NHSL1: variants seen among roughly 807,000 people sequenced by gnomAD.
NHSL1 encodes NHS-like protein 1.
NHSL1 carries 48 observed loss-of-function variants against 95.0 expected under a neutral mutation model. That is an observed-to-expected ratio of 0.51 (90% CI 0.40 to 0.64). NHSL1 has a LOEUF of 0.64. NHSL1 is among the 30% of genes least tolerant of loss of function. The pLI, the probability that NHSL1 is intolerant of heterozygous loss-of-function variation, is 0.00. For synonymous variants in NHSL1, 783 were observed against 833.9 expected, an observed-to-expected ratio of 0.94 and a Z score of 1.05; for missense variants, 1,971 against 2,077.7, an observed-to-expected ratio of 0.95 and a Z score of 1.00.
chr6:138,542,786 C>T (rs1782633352), intron 1 of NHSL1, among the ~76,000 whole-genome samples: 2 of 152,072 alleles, frequency 1.3e-5, no homozygotes, highest in South Asian at 4.2e-4. Context: ...TTTTTCGAGA[C>T]AGGGTCTCAC....
At position 138,443,621 on chromosome 6, in the gene NHSL1, G is replaced by A. The variant is rs77676166; in HGVS notation, c.533-1507C>T. ...GTGGGTGGATCACTTGAACTCAGGC[G>A]TTCAAGACCAGTCTAAGCAACATGG... On this transcript the variant is annotated intron_variant, in intron 4 of 7. Transcript: ENST00000343505. 4.1e-3 allele frequency among the ~76,000 whole-genome samples: 629 copies of A among 152,242 alleles called. 5 individuals are homozygous for A. Among genetic ancestry groups the A allele is most frequent in the Non-Finnish European group, 7.7e-3 (521 of 68,010 alleles).
At chr6:138,499,703 CG>C (rs1387920995), upstream of NHSL1, among the ~76,000 whole-genome samples, 1 of 152,142 alleles carries the variant, frequency 6.6e-6, no homozygotes, top group Non-Finnish European at 1.5e-5. Flanking sequence ...CTTTCCTCTA[CG>C]GAAGTCAAGA....
At chr6:138,689,610 C>G (rs981062136) in intron 1 of NHSL1, among the ~76,000 whole-genome samples, 1 of 152,176 alleles carries the variant, frequency 6.6e-6, no homozygotes, top group Non-Finnish European at 1.5e-5. Flanking sequence ...TTATTGGTCA[C>G]TGAAATATGC....
chr6:138,496,007 G>A (rs112966000), intron 2 of NHSL1, among the ~76,000 whole-genome samples: 5,959 of 152,228 alleles, frequency 0.039, 176 homozygotes, highest in Middle Eastern at 0.085. Flanking sequence ...CAACACAGGG[G>A]AATTATGGGA....
At chr6:138,635,822 A>G (rs1300685395) in intron 1 of NHSL1, among the ~76,000 whole-genome samples, 1 of 152,024 alleles carries the variant, frequency 6.6e-6, no homozygotes, top group Non-Finnish European at 1.5e-5. Context: ...GACCTCAACA[A>G]TACATTAGAG....
In NHSL1 at chr6:138,423,483, C is replaced by T. The variant is rs1562247030; in HGVS notation, c.*598G>A. 6.6e-6 allele frequency: 1 copy of T among 152,260 alleles called. No individual in the cohort carries two copies. Among genetic ancestry groups the T allele is most frequent in the Admixed American group, 6.5e-5 (1 of 15,292 alleles). The allele number at this position is 152,260 out of a possible 1,614,324, so 9.4% of individuals were successfully genotyped here. On this transcript the variant is annotated 3_prime_UTR_variant, in exon 8 of 8. Transcript: ENST00000343505. Reference sequence around the variant, plus strand: ...AAAAAGTACCTGAACCAATTAGTCACTTAGCCCCTTCCCAGCCTCTCCGTG... The same window carrying T: ...AAAAAGTACCTGAACCAATTAGTCATTTAGCCCCTTCCCAGCCTCTCCGTG...
At chr6:138,556,758 T>A (rs952265803) in intron 1 of NHSL1, among the ~76,000 whole-genome samples, 1 of 152,082 alleles carries the variant, frequency 6.6e-6, no homozygotes, top group African/African-American at 2.4e-5. Flanking sequence ...TCGTTTAAAG[T>A]ATTTGGCCAA....
chr6:138,527,871 G>C (rs1781976716), intron 1 of NHSL1, among the ~76,000 whole-genome samples: 1 of 152,202 alleles, frequency 6.6e-6, no homozygotes, highest in Admixed American at 6.5e-5. Context: ...TAGTTGAGAT[G>C]AAAGAGCTGG....
At chr6:138,686,186 C>A (rs1404844034) in intron 1 of NHSL1, among the ~76,000 whole-genome samples, 2 of 152,070 alleles carry the variant, frequency 1.3e-5, no homozygotes, top group Non-Finnish European at 2.9e-5. Flanking sequence ...TGAGATAATG[C>A]CTATATGTTA....
At chr6:138,486,012 G>A (rs985213711) in intron 2 of NHSL1, among the ~76,000 whole-genome samples, 4 of 152,198 alleles carry the variant, frequency 2.6e-5, no homozygotes, top group East Asian at 3.9e-4. Flanking sequence ...CTCTGGCTCC[G>A]TCTCATAACA....
intron 3 of NHSL1, among the ~76,000 whole-genome samples, chr6:138,466,015 C>T (rs575676568): frequency 4.0e-4 from 59 of 147,462 alleles, no homozygotes; most frequent in African/African-American, 1.1e-3. Context: ...TGTGCCACTG[C>T]GCCTGGCCCC....
intron 3 of NHSL1, among the ~76,000 whole-genome samples, chr6:138,459,896 G>T (rs1004507562): frequency 6.6e-6 from 1 of 151,906 alleles, no homozygotes. Context: ...CATTGCTATC[G>T]GAATAAACCC....
chr6:138,603,909 C>T (rs948498822), intron 1 of NHSL1, among the ~76,000 whole-genome samples: 1 of 151,886 alleles, frequency 6.6e-6, no homozygotes, highest in Non-Finnish European at 1.5e-5. Flanking sequence ...TAAGTCTTAC[C>T]TGGAACTAAT....
In NHSL1 at chr6:138,432,446, C is replaced by T. The variant is rs1447165769; in HGVS notation, c.1899G>A (p.Arg633=). The T allele has an allele frequency of 7.7e-6, 12 of 1,552,262 alleles. No homozygotes were observed. The highest frequency in any genetic ancestry group is 5.9e-5 in the Admixed American group (3 of 50,998). ...CNSSDGFGNP[R]HSVINVFVGR... ...CAACAAAAACATTGATCACGCTGTG[C>T]CTGGGGTTCCCAAAGCCATCACTGC... is the stretch of plus-strand genomic sequence containing the variant. The change falls in exon 6 of 8, where the codon AGG becomes AGA. Residue 633 remains arginine, a synonymous_variant. Transcript: ENST00000343505. This position sits in a 1 kb window ranked among gnomAD's most constrained non-coding sequence, Gnocchi z 4.4.
At position 138,427,775 on chromosome 6, in the gene NHSL1, A is replaced by C. The variant is rs189819240; in HGVS notation, c.4085+1936T>G. On this transcript the variant is annotated intron_variant, in intron 7 of 7. Coordinates refer to ENST00000343505, the MANE Select transcript of NHSL1 (RefSeq NM_001144060.2). The stretch of plus-strand genomic sequence containing the variant: ...CTGTGTTTCAACTTAGATATTCTTT[A>C]TTTTAAATTATGAGCTTAAGCGCTG... Among the ~76,000 whole-genome samples, 416 of 152,324 alleles carry C rather than the reference A, an allele frequency of 2.7e-3. 5 individuals carry two copies. Among genetic ancestry groups the C allele is most frequent in the Admixed American group, 0.02 (299 of 15,296 alleles).
At position 138,433,594 on chromosome 6, in the gene NHSL1, G is replaced by C. The variant is rs1394465335; in HGVS notation, c.751C>G (p.Arg251Gly). The C allele has an allele frequency of 6.4e-7, 1 of 1,551,964 alleles. No homozygotes were observed. Among genetic ancestry groups the C allele is most frequent in the Non-Finnish European group, 8.7e-7 (1 of 1,147,096 alleles). ...YSTLGRFNSC[R>G]SAGQRSETRD... ...GTTTCTGAGCGCTGCCCAGCAGACC[G>C]ACAGCTATTGAACCTTCCTAGTGTA... The change falls in exon 6 of 8, where the codon CGG becomes GGG. Residue 251 changes from arginine to glycine, a missense_variant. This residue lies in a region of NHSL1 where 1,602 missense variants were observed against 1,654.5 expected (regional missense o/e 0.97). Transcript: ENST00000343505.
intron 1 of NHSL1, among the ~76,000 whole-genome samples, chr6:138,540,960 A>G (rs989834783): frequency 6.6e-6 from 1 of 152,214 alleles, no homozygotes; most frequent in Non-Finnish European, 1.5e-5. Context: ...AGAATGCGAA[A>G]CCAGGTAAAA....
intron 2 of NHSL1, among the ~76,000 whole-genome samples, chr6:138,482,738 A>G (rs1311116473): frequency 6.6e-6 from 1 of 152,136 alleles, no homozygotes; most frequent in Non-Finnish European, 1.5e-5. Context: ...GAGCAGCAGC[A>G]GTCAAGAGCA....
At chr6:138,491,822 A>G (rs1252536718) in intron 2 of NHSL1, among the ~76,000 whole-genome samples, 1 of 152,212 alleles carries the variant, frequency 6.6e-6, no homozygotes, top group East Asian at 1.9e-4. Context: ...TATTTGCATT[A>G]TAACTACTGA....
Sources: gnomAD v4.1 joint callset for allele counts (sites outside exome capture counted in the v4.1 genomes callset) on GRCh38, gnomAD v4.1.1 for gene constraint, gnomAD v4.1.1 regional missense constraint, Gnocchi (gnomAD v3.1) non-coding constraint, MANE v1.5 for transcripts, NCBI Gene and HGNC (gene_info 2026-07-23, HGNC 2026-07-21) for gene names.